Variants in CA10 observed in about 807,000 individuals in gnomAD.
CA10 encodes carbonic anhydrase-related protein 10.
In CA10, 14 loss-of-function variants were observed where a neutral mutation model predicts 44.2. The ratio of observed to expected loss-of-function variants is 0.32; its 90% CI spans 0.21 to 0.50. CA10 has a LOEUF of 0.50. CA10 is among the 20% of genes least tolerant of loss of function. The pLI, the probability that CA10 is intolerant of heterozygous loss-of-function variation, is 0.99. For missense variants in CA10, 350 were observed against 409.7 expected, an observed-to-expected ratio of 0.85 and a Z score of 1.26; for synonymous variants, 159 against 141.6, an observed-to-expected ratio of 1.12 and a Z score of -0.87.
At chr17:52,016,538 G>A (rs1483802115) in intron 2 of CA10, among the ~76,000 whole-genome samples, 2 of 152,050 alleles carry the variant, frequency 1.3e-5, no homozygotes, top group African/African-American at 4.8e-5. Flanking sequence ...TCATGGGGGT[G>A]GATCCTCATA....
intron 3 of CA10, among the ~76,000 whole-genome samples, chr17:51,929,750 C>G (rs1452545245): frequency 1.3e-5 from 2 of 152,092 alleles, no homozygotes; most frequent in Non-Finnish European, 2.9e-5. Flanking sequence ...TGACAAGCTC[C>G]TTGCAGAATT....
intron 3 of CA10, among the ~76,000 whole-genome samples, chr17:51,857,263 T>A (rs1979089733): frequency 1.3e-5 from 2 of 152,210 alleles, no homozygotes; most frequent in East Asian, 1.9e-4. Flanking sequence ...TATCCCGTTT[T>A]ACAGATGAGG....
chr17:51,849,259 ATATAT>A (rs1226071904), intron 3 of CA10, among the ~76,000 whole-genome samples: 33 of 137,308 alleles, frequency 2.4e-4, no homozygotes, highest in African/African-American at 7.8e-4. Context: ...ATATATATAT[ATATAT>A]AAAACTAAGT....
intron 2 of CA10, among the ~76,000 whole-genome samples, chr17:52,065,036 C>T (rs532158469): frequency 1.3e-5 from 2 of 152,316 alleles, no homozygotes; most frequent in East Asian, 3.9e-4. Flanking sequence ...TGGCCCCTGA[C>T]CACCCCAATC....
At position 51,675,695 on chromosome 17, in the gene CA10, G is replaced by A. The variant is rs560919569; in HGVS notation, c.466-21959C>T. Reference sequence around the variant, plus strand: ...TGCGCCACTGTACTCCAGCCTGGGCGAAAGAGCAAGGCTGCGTCTCAAAAA... The same window carrying A: ...TGCGCCACTGTACTCCAGCCTGGGCAAAAGAGCAAGGCTGCGTCTCAAAAA... On this transcript the variant is annotated intron_variant, in intron 4 of 8. Transcript: ENST00000451037. 8.6e-5 allele frequency among the ~76,000 whole-genome samples: 13 copies of A among 151,080 alleles called. 1 individual carries two copies. Among genetic ancestry groups the A allele is most frequent in the Admixed American group, 5.9e-4 (9 of 15,180 alleles).
At chr17:51,751,503 G>A (rs1439769315) in intron 3 of CA10, among the ~76,000 whole-genome samples, 1 of 152,202 alleles carries the variant, frequency 6.6e-6, no homozygotes, top group Admixed American at 6.5e-5. Context: ...TAATATATGT[G>A]ATGGTCACAC....
At chr17:51,658,658 T>C (rs1913889456) in intron 4 of CA10, among the ~76,000 whole-genome samples, 1 of 152,136 alleles carries the variant, frequency 6.6e-6, no homozygotes, top group Non-Finnish European at 1.5e-5. Flanking sequence ...ATGCAAGGCT[T>C]TGTAGACCAT....
chr17:51,849,156 C>T (rs1380632598), intron 3 of CA10, among the ~76,000 whole-genome samples: 12 of 102,240 alleles, frequency 1.2e-4, no homozygotes, highest in African/African-American at 2.1e-4. Context: ...TATATATATA[C>T]ATATATGTAT....
chr17:52,155,061 C>T (rs376810442), intron 1 of CA10, among the ~76,000 whole-genome samples: 10 of 152,292 alleles, frequency 6.6e-5, no homozygotes, highest in African/African-American at 2.4e-4. Context: ...AATATATCTT[C>T]CACATGACAA....
At chr17:52,135,156 G>A (rs1296339345) in intron 1 of CA10, 23 of 360,482 alleles carry the variant, frequency 6.4e-5, no homozygotes, top group Non-Finnish European at 1.7e-5. Flanking sequence ...GCCATGACAG[G>A]ATGAGAGGTC....
At chr17:51,952,767 G>A (rs1314191073) in intron 2 of CA10, among the ~76,000 whole-genome samples, 1 of 152,132 alleles carries the variant, frequency 6.6e-6, no homozygotes, top group Non-Finnish European at 1.5e-5. Flanking sequence ...AGAGCACGAG[G>A]CACAAGGCTC....
At chr17:51,895,737 T>A (rs1981041565) in intron 3 of CA10, among the ~76,000 whole-genome samples, 1 of 152,074 alleles carries the variant, frequency 6.6e-6, no homozygotes, top group African/African-American at 2.4e-5. Flanking sequence ...AGTTATAAAA[T>A]ACCAATGATA....
At chr17:51,912,278 T>C (rs1392881757) in intron 3 of CA10, among the ~76,000 whole-genome samples, 1 of 152,208 alleles carries the variant, frequency 6.6e-6, no homozygotes, top group East Asian at 1.9e-4. Flanking sequence ...GGCACAGTAA[T>C]GGGAGCATTC....
intron 1 of CA10, among the ~76,000 whole-genome samples, chr17:52,119,008 G>A (rs955598372): frequency 6.6e-6 from 1 of 152,204 alleles, no homozygotes; most frequent in Admixed American, 6.5e-5. Context: ...AAGAGTTAAT[G>A]GAATGGACTG....
chr17:51,968,381 C>T (rs1984158296), intron 2 of CA10, among the ~76,000 whole-genome samples: 1 of 151,830 alleles, frequency 6.6e-6, no homozygotes, highest in African/African-American at 2.4e-5. Context: ...AGATGAAATA[C>T]TACTCAGTAA....
chr17:51,870,218 G>T (rs1430155652), intron 3 of CA10, among the ~76,000 whole-genome samples: 1 of 152,196 alleles, frequency 6.6e-6, no homozygotes, highest in African/African-American at 2.4e-5. Context: ...TATACAGTTA[G>T]CAGCCCCTCC....
chr17:52,089,933 A>G (rs1988215899), intron 1 of CA10, among the ~76,000 whole-genome samples: 2 of 152,252 alleles, frequency 1.3e-5, no homozygotes, highest in African/African-American at 4.8e-5. Flanking sequence ...AATATCAGAA[A>G]CAAATATGGC....
At chr17:51,810,210 C>G (rs1204072106) in intron 3 of CA10, among the ~76,000 whole-genome samples, 1 of 152,178 alleles carries the variant, frequency 6.6e-6, no homozygotes, top group African/African-American at 2.4e-5. Flanking sequence ...GATTGCTTAT[C>G]TCTTTTCATT....
intron 2 of CA10, among the ~76,000 whole-genome samples, chr17:51,999,467 T>C (rs1376674951): frequency 6.6e-6 from 1 of 152,076 alleles, no homozygotes; most frequent in Non-Finnish European, 1.5e-5. Context: ...GTCAGCCATG[T>C]TCTTTTTATG....
Sources: allele counts gnomAD v4.1 joint callset (sites outside exome capture counted in the v4.1 genomes callset), GRCh38; gene constraint gnomAD v4.1.1; transcripts MANE v1.5; gene names NCBI Gene and HGNC (gene_info 2026-07-23, HGNC 2026-07-21).